Variants in CFAP53 observed in about 807,000 individuals in gnomAD.
CFAP53 encodes the protein cilia and flagella associated protein 53, also known as cilia- and flagella-associated protein 53.
In CFAP53, 62 loss-of-function variants were observed where a neutral mutation model predicts 59.7. That is an observed-to-expected ratio of 1.04 (90% CI 0.85 to 1.28). The LOEUF (loss-of-function observed/expected upper bound fraction) is 1.28. CFAP53 is among the 50% of genes most tolerant of loss of function. The probability of loss-of-function intolerance (pLI) is 0.00; values close to 1 mark genes in which losing one functional copy is unlikely to be tolerated. For missense variants in CFAP53, 629 were observed against 615.6 expected, an observed-to-expected ratio of 1.02 and a Z score of -0.23; for synonymous variants, 218 against 205.7, an observed-to-expected ratio of 1.06 and a Z score of -0.51.
At chr18:50,250,064 C>A (rs2033782522) in intron 5 of CFAP53, among the ~76,000 whole-genome samples, 1 of 151,640 alleles carries the variant, frequency 6.6e-6, no homozygotes, top group Non-Finnish European at 1.5e-5. Context: ...ACAAAAAATA[C>A]ATAAATTAGC....
At chr18:50,251,181 T>C (rs1035172422) in intron 4 of CFAP53, among the ~76,000 whole-genome samples, 3 of 152,222 alleles carry the variant, frequency 2.0e-5, no homozygotes, top group African/African-American at 7.2e-5. Flanking sequence ...GTGATTATAA[T>C]GTAATAAATA....
At chr18:50,266,297 AG>A (rs766568088) in intron 1 of CFAP53, 38 bp downstream of exon 1, 25 of 1,604,136 alleles carry the variant, frequency 1.6e-5, no homozygotes, top group Non-Finnish European at 2.0e-5. Flanking sequence ...GGAGAGATGG[AG>A]AAAGCTGTAG....
At chr18:50,252,921 CAAG>C (rs2033814604) in intron 3 of CFAP53, among the ~76,000 whole-genome samples, 1 of 152,184 alleles carries the variant, frequency 6.6e-6, no homozygotes, top group Non-Finnish European at 1.5e-5. Context: ...GAGACTGAGG[CAAG>C]AAGACCACTT....
At chr18:50,227,647 AG>A in intron 7 of CFAP53, 38 bp from the exon 8 acceptor site, 1 of 1,435,834 alleles carries the variant, frequency 7.0e-7, no homozygotes, top group Non-Finnish European at 9.8e-7. Context: ...AAATTATAAA[AG>A]TAAGCATTTA....
intron 2 of CFAP53, among the ~76,000 whole-genome samples, chr18:50,261,615 C>T (rs530407580): frequency 9.9e-5 from 15 of 152,190 alleles, no homozygotes; most frequent in Non-Finnish European, 1.5e-5. Flanking sequence ...TGGTCTCAAA[C>T]TCCTGGGCTC....
At chr18:50,235,569 AAAT>A (rs1363103890) in intron 7 of CFAP53, among the ~76,000 whole-genome samples, 4 of 152,214 alleles carry the variant, frequency 2.6e-5, no homozygotes, top group African/African-American at 4.8e-5. Context: ...CTGTCTCAAA[AAAT>A]AATAATAACA....
intron 5 of CFAP53, among the ~76,000 whole-genome samples, chr18:50,245,986 A>C (rs1042035643): frequency 6.6e-6 from 1 of 151,976 alleles, no homozygotes; most frequent in African/African-American, 2.4e-5. Flanking sequence ...CGCCTCCCGG[A>C]TCAAGCGATT....
intron 5 of CFAP53, 78 bp from the exon 6 acceptor site, chr18:50,243,194 T>A: frequency 1.0e-6 from 1 of 965,018 alleles, no homozygotes; most frequent in Non-Finnish European, 1.6e-6. Context: ...AAAAAATCTT[T>A]AAAAGCTCCA....
intron 3 of CFAP53, among the ~76,000 whole-genome samples, chr18:50,254,233 TAAA>T (rs761732766): frequency 8.4e-6 from 1 of 118,454 alleles, no homozygotes; most frequent in Non-Finnish European, 1.8e-5. Context: ...ACTTAACAGC[TAAA>T]AAAAAAAAAA....
intron 6 of CFAP53, among the ~76,000 whole-genome samples, chr18:50,241,476 C>T (rs965157834): frequency 1.4e-4 from 22 of 152,174 alleles, no homozygotes; most frequent in East Asian, 3.9e-4. Flanking sequence ...GCAGAGACAA[C>T]GACATAAACA....
At chr18:50,257,678 A>G (rs2033857759) in intron 3 of CFAP53, among the ~76,000 whole-genome samples, 1 of 152,222 alleles carries the variant, frequency 6.6e-6, no homozygotes, top group Non-Finnish European at 1.5e-5. Context: ...TAAAACTTCT[A>G]TACTACCCAA....
Position 50,243,077 on chromosome 18 carries a change from A to G in CFAP53, c.1036T>C (p.Leu346=), listed in dbSNP as rs1484616600. 5 of 1,613,122 alleles carry G rather than the reference A, an allele frequency of 3.1e-6. No individual in the cohort carries two copies. Among genetic ancestry groups the G allele is most frequent in the Non-Finnish European group, 4.2e-6 (5 of 1,179,554 alleles). Residue 346 remains leucine (L), a synonymous_variant, in exon 6 of 8, where the codon TTG becomes CTG. Transcript: ENST00000398545. ...TTTTCTTCCTCACGTCTCTGTGCCA[A>G]ATATTTATGGTATATCTTCTGTTCT... ...IREQKIYHKY[L]AQRREEEKAQ... is the part of the protein sequence containing the mutation.
At chr18:50,236,664 T>C (rs1453084534) in intron 7 of CFAP53, among the ~76,000 whole-genome samples, 1 of 152,180 alleles carries the variant, frequency 6.6e-6, no homozygotes, top group Non-Finnish European at 1.5e-5. Context: ...AGTTGATAAC[T>C]GAGATCCCTG....
In CFAP53 at chr18:50,262,093, A is replaced by G. The variant is rs746194348; in HGVS notation, c.196T>C (p.Trp66Arg). The G allele has an allele frequency of 6.2e-7, 1 of 1,614,148 alleles. No individual in the cohort carries two copies. Among genetic ancestry groups the G allele is most frequent in the Non-Finnish European group, 8.5e-7 (1 of 1,180,016 alleles). Residue 66 changes from tryptophan (W) to arginine (R), a missense_variant, in exon 2 of 8, where the codon TGG (tryptophan) becomes CGG (arginine). Trp to Arg is a moderately radical substitution (Grantham distance 101, BLOSUM62 -3). Transcript: ENST00000398545. ...ATCTTGCAGTCATTGTGCTGGTCCC[A>G]CTCAGCTTTCAAGCGATCCCGCTCA... Reference protein sequence around the residue: ...SSERDRLKAEWDQHNDCKILD... With the variant: ...SSERDRLKAERDQHNDCKILD...
chr18:50,258,553 C>T (rs1177366846), intron 3 of CFAP53, among the ~76,000 whole-genome samples: 1 of 152,134 alleles, frequency 6.6e-6, no homozygotes, highest in Non-Finnish European at 1.5e-5. Context: ...GCAAAGATTT[C>T]TTGAGCAATA....
At chr18:50,260,635 C>G (rs2033882491) in intron 3 of CFAP53, among the ~76,000 whole-genome samples, 1 of 152,094 alleles carries the variant, frequency 6.6e-6, no homozygotes. Flanking sequence ...GCACTCCAGC[C>G]TGGATGACAG....
At position 50,250,940 on chromosome 18, in the gene CFAP53, G is replaced by T. The variant is rs2033792670; in HGVS notation, c.814C>A (p.Gln272Lys). ...GCCTTCTGTTTCTTTAGCATATCCTGTTCATTCTCATGTTTAATCTGTGCG... is the reference window on the plus strand; with the variant it reads ...GCCTTCTGTTTCTTTAGCATATCCTTTTCATTCTCATGTTTAATCTGTGCG... ...NNAQIKHENE[Q>K]DMLKKQKAKQ... Residue 272 changes from glutamine to lysine, a missense_variant, in exon 5 of 8, where the codon CAG becomes AAG. Gln to Lys is a moderately conservative substitution (Grantham distance 53). Transcript: ENST00000398545. 1 of 1,614,080 alleles carries T rather than the reference G, an allele frequency of 6.2e-7. No homozygotes were observed. The highest frequency in any genetic ancestry group is 1.7e-4 in the Middle Eastern group (1 of 6,058).
At chr18:50,261,548 A>C (rs568440328) in intron 2 of CFAP53, among the ~76,000 whole-genome samples, 1 of 151,864 alleles carries the variant, frequency 6.6e-6, no homozygotes, top group Non-Finnish European at 1.5e-5. Context: ...AGGTGCCCCT[A>C]TGCCCAGCTG....
At position 50,261,161 on chromosome 18, in the gene CFAP53, TCTC is replaced by T. The variant is rs750486739; in HGVS notation, c.373_375del (p.Glu125del). On this transcript the variant is annotated inframe_deletion, in exon 3 of 8. Coordinates refer to ENST00000398545, the MANE Select transcript of CFAP53 (RefSeq NM_145020.5). ...GTTTTCTCTCTCATCCTATCTTTTT[TCTC>T]CTCAATGGTTTCTTTCTTCAATTGC... is the stretch of plus-strand genomic sequence containing the variant. The T allele has an allele frequency of 8.1e-6, 13 of 1,599,038 alleles. No individual in the cohort carries two copies. Among genetic ancestry groups the T allele is most frequent in the Non-Finnish European group, 1.1e-5 (13 of 1,176,182 alleles).
Sources: allele counts gnomAD v4.1 joint callset (sites outside exome capture counted in the v4.1 genomes callset), GRCh38; gene constraint gnomAD v4.1.1; transcripts MANE v1.5; gene names NCBI Gene and HGNC (gene_info 2026-07-23, HGNC 2026-07-21).